PLEKHM3: variants seen among roughly 807,000 people sequenced by gnomAD.
The protein encoded by PLEKHM3 is pleckstrin homology domain-containing family M member 3.
PLEKHM3 carries 45 observed loss-of-function variants against 81.8 expected under a neutral mutation model. The ratio of observed to expected loss-of-function variants is 0.55; its 90% CI spans 0.43 to 0.71. The LOEUF is 0.71. Among genes scored for constraint, PLEKHM3 ranks in the 30% least tolerant of loss-of-function variants. The pLI is 0.00. For synonymous variants in PLEKHM3, 352 were observed against 356.4 expected, an observed-to-expected ratio of 0.99 and a Z score of 0.14; for missense variants, 788 against 924.3, an observed-to-expected ratio of 0.85 and a Z score of 1.91.
chr2:207,908,932 T>A (rs1175133516), intron 5 of PLEKHM3, among the ~76,000 whole-genome samples: 25 of 152,206 alleles, frequency 1.6e-4, no homozygotes, highest in Admixed American at 1.6e-3. Context: ...CCACCTGGCT[T>A]CAGCTTCTTC....
chr2:207,939,889 G>A (rs1689879551), intron 4 of PLEKHM3, among the ~76,000 whole-genome samples: 1 of 152,178 alleles, frequency 6.6e-6, no homozygotes, highest in Admixed American at 6.5e-5. Context: ...TAAAATAAAG[G>A]CTTGGTTTTG....
chr2:207,936,845 TAGTG>T (rs1689770106), intron 4 of PLEKHM3, among the ~76,000 whole-genome samples: 3 of 126,410 alleles, frequency 2.4e-5, no homozygotes, highest in South Asian at 5.0e-4. Flanking sequence ...TTAGATAAAT[TAGTG>T]TGTGTGTGTG....
intron 5 of PLEKHM3, among the ~76,000 whole-genome samples, chr2:207,926,295 A>C (rs1689392048): frequency 6.6e-6 from 1 of 152,110 alleles, no homozygotes; most frequent in Non-Finnish European, 1.5e-5. Flanking sequence ...GATTTTTTTA[A>C]AGTTGGCAAC....
At chr2:207,902,855 C>CCCATCCATCCAT (rs150435261) in intron 6 of PLEKHM3, among the ~76,000 whole-genome samples, 74,171 of 131,600 alleles carry the variant, frequency 0.56, 21,662 homozygotes, top group Middle Eastern at 0.65. Context: ...CATCCACCCA[C>CCCATCCATCCAT]CCATCCATCC....
intron 3 of PLEKHM3, among the ~76,000 whole-genome samples, chr2:207,952,506 T>C (rs1432227505): frequency 6.6e-6 from 1 of 152,264 alleles, no homozygotes; most frequent in Non-Finnish European, 1.5e-5. Context: ...TCCTAGCTTA[T>C]AGTCTCTAAC....
At chr2:207,949,006 T>A (rs1299078653) in intron 3 of PLEKHM3, among the ~76,000 whole-genome samples, 1 of 152,138 alleles carries the variant, frequency 6.6e-6, no homozygotes, top group Non-Finnish European at 1.5e-5. Flanking sequence ...CAGCACTTAA[T>A]ACAGAGCTTT....
At chr2:208,023,256 C>T (rs1693187906) in intron 1 of PLEKHM3, among the ~76,000 whole-genome samples, 2 of 149,780 alleles carry the variant, frequency 1.3e-5, no homozygotes, top group Admixed American at 1.3e-4. Context: ...AATGCCCCCG[C>T]CTCAGCCTCC....
intron 2 of PLEKHM3, among the ~76,000 whole-genome samples, chr2:207,989,254 G>A (rs1387344291): frequency 6.6e-6 from 1 of 152,228 alleles, no homozygotes; most frequent in African/African-American, 2.4e-5. Context: ...GTGGAGAAAA[G>A]ATGGGCCCCA....
chr2:207,857,831 G>T (rs1167189826), intron 7 of PLEKHM3, among the ~76,000 whole-genome samples: 1 of 151,040 alleles, frequency 6.6e-6, no homozygotes, highest in Non-Finnish European at 1.5e-5. Context: ...ATTGATATCG[G>T]CTCTAATCTT....
intron 5 of PLEKHM3, among the ~76,000 whole-genome samples, chr2:207,929,267 A>G (rs1689508151): frequency 6.6e-6 from 1 of 152,230 alleles, no homozygotes; most frequent in African/African-American, 2.4e-5. Flanking sequence ...GGCACAGTAC[A>G]TGGTGGTAAA....
At chr2:208,004,863 C>T (rs73066710) in intron 1 of PLEKHM3, among the ~76,000 whole-genome samples, 12 of 152,114 alleles carry the variant, frequency 7.9e-5, no homozygotes, top group Admixed American at 3.3e-4. Context: ...TTTGCTCTTT[C>T]GCCCAGGCTA....
At chr2:207,997,007 C>CA (rs10654114) in intron 2 of PLEKHM3, among the ~76,000 whole-genome samples, 94,207 of 145,966 alleles carry the variant, frequency 0.65, 30,787 homozygotes, top group Non-Finnish European at 0.73. Context: ...ACTTTATGTC[C>CA]AAAAAAAAAA....
chr2:207,975,844 GC>G (rs1691290699), intron 3 of PLEKHM3, among the ~76,000 whole-genome samples: 1 of 150,736 alleles, frequency 6.6e-6, no homozygotes, highest in Admixed American at 6.6e-5. Context: ...TAATCCACCT[GC>G]CTTGGCCTCC....
intron 7 of PLEKHM3, among the ~76,000 whole-genome samples, chr2:207,859,934 A>G (rs1299884097): frequency 6.6e-6 from 1 of 152,162 alleles, no homozygotes; most frequent in Non-Finnish European, 1.5e-5. Flanking sequence ...TCTCTAGGCT[A>G]TGGGCTAAGT....
intron 6 of PLEKHM3, among the ~76,000 whole-genome samples, chr2:207,891,932 G>T (rs1281003926): frequency 1.3e-5 from 2 of 152,176 alleles, no homozygotes; most frequent in Non-Finnish European, 2.9e-5. Flanking sequence ...TAACTCAGGT[G>T]ACATTTTATT....
At chr2:208,011,079 A>C (rs1022939826) in intron 1 of PLEKHM3, among the ~76,000 whole-genome samples, 12 of 151,862 alleles carry the variant, frequency 7.9e-5, no homozygotes, top group South Asian at 4.1e-4. Flanking sequence ...AAAAAAAAAA[A>C]AAAACAAAAT....
At chr2:207,914,902 C>A (rs1688934094) in intron 5 of PLEKHM3, among the ~76,000 whole-genome samples, 1 of 152,154 alleles carries the variant, frequency 6.6e-6, no homozygotes, top group African/African-American at 2.4e-5. Context: ...TGTCTGGCAG[C>A]ATTTCTGCAG....
chr2:208,011,214 T>C (rs190250713), intron 1 of PLEKHM3, among the ~76,000 whole-genome samples: 4 of 152,286 alleles, frequency 2.6e-5, no homozygotes, highest in Non-Finnish European at 4.4e-5. Flanking sequence ...GAACTACCAT[T>C]TGACCCAGCA....
intron 6 of PLEKHM3, among the ~76,000 whole-genome samples, chr2:207,882,850 G>T (rs890050743): frequency 6.6e-6 from 1 of 150,702 alleles, no homozygotes; most frequent in African/African-American, 2.4e-5. Context: ...TTTTTTTCCC[G>T]AGATTCTCGT....
Sources: allele counts gnomAD v4.1 joint callset (sites outside exome capture counted in the v4.1 genomes callset), GRCh38; gene constraint gnomAD v4.1.1; transcripts MANE v1.5; gene names NCBI Gene and HGNC (gene_info 2026-07-23, HGNC 2026-07-21).